PTPRC: variants seen among roughly 807,000 people sequenced by gnomAD.
The protein encoded by PTPRC is protein tyrosine phosphatase receptor type C.
PTPRC carries 44 observed loss-of-function variants against 155.9 expected under a neutral mutation model. The observed-to-expected ratio is 0.28, with a 90% confidence interval of 0.22 to 0.36. The LOEUF (loss-of-function observed/expected upper bound fraction) is 0.36, where lower values mean the gene tolerates loss of function less well. Ranked by LOEUF, PTPRC falls within the 10% of genes least tolerant of loss-of-function variation. The pLI is 1.00. For synonymous variants in PTPRC, 525 were observed against 533.1 expected (o/e 0.98, Z 0.21); for missense variants, 1,401 against 1,564.6 (o/e 0.90, Z 1.76).
chr1:198,724,465 AT>A (rs1046185341), intron 15 of PTPRC, among the ~76,000 whole-genome samples: 2 of 151,018 alleles, frequency 1.3e-5, no homozygotes, highest in East Asian at 3.9e-4. Context: ...ACACATAGTT[AT>A]TTTTTTTTCT....
intron 26 of PTPRC, 111 bp from the exon 27 acceptor site, chr1:198,747,998 G>A: frequency 6.8e-7 from 1 of 1,469,828 alleles, no homozygotes. Context: ...GGGAGCATAT[G>A]CAAATTTCAC....
chr1:198,725,214 A>AT (rs1167855000), intron 15 of PTPRC, among the ~76,000 whole-genome samples: 1 of 152,054 alleles, frequency 6.6e-6, no homozygotes, highest in African/African-American at 2.4e-5. Context: ...GGTTGAGTCT[A>AT]TTAGTCATAA....
chr1:198,681,962 C>A (rs1432274673), intron 2 of PTPRC, among the ~76,000 whole-genome samples: 3 of 152,180 alleles, frequency 2.0e-5, no homozygotes, highest in Non-Finnish European at 4.4e-5. Context: ...GGTGCTATGG[C>A]AACCTATTGC....
At chr1:198,719,147 CT>C (rs890115500) in intron 14 of PTPRC, among the ~76,000 whole-genome samples, 8 of 151,360 alleles carry the variant, frequency 5.3e-5, no homozygotes, top group African/African-American at 7.3e-5. Context: ...GGATATGTAA[CT>C]TTTTTTTTCT....
At chr1:198,726,442 CG>C (rs1203698043) in intron 15 of PTPRC, among the ~76,000 whole-genome samples, 1 of 151,914 alleles carries the variant, frequency 6.6e-6, no homozygotes, top group Non-Finnish European at 1.5e-5. Flanking sequence ...TTATATATGC[CG>C]GCAGTATAAA....
At position 198,639,044 on chromosome 1, in the gene PTPRC, T is replaced by A. The variant is rs1662422108; in HGVS notation, c.-137T>A. On this transcript the variant is annotated 5_prime_UTR_variant, in exon 1 of 33. Transcript: ENST00000442510. ...GAAGTTAGTAAAACCGAATCTGACA[T>A]CATCACCTAGCAGTTCATGCAGCTA... 1 of 528,106 alleles carries A rather than the reference T, an allele frequency of 1.9e-6. No homozygotes were observed. Among genetic ancestry groups the A allele is most frequent in the Non-Finnish European group, 3.4e-6 (1 of 295,896 alleles). 32.7% of individuals were successfully genotyped at this position (528,106 alleles called of 1,614,324 possible).
At chr1:198,643,615 C>T (rs1662767363) in intron 2 of PTPRC, among the ~76,000 whole-genome samples, 1 of 151,862 alleles carries the variant, frequency 6.6e-6, no homozygotes, top group Non-Finnish European at 1.5e-5. Context: ...GAAAGAGCCT[C>T]CTGACTTCCT....
intron 20 of PTPRC, among the ~76,000 whole-genome samples, chr1:198,733,819 G>A (rs1379644806): frequency 6.6e-6 from 1 of 151,734 alleles, no homozygotes; most frequent in Non-Finnish European, 1.5e-5. Context: ...GTAACTACAT[G>A]GCTGGTGAGC....
intron 18 of PTPRC, 134 bp from the exon 19 acceptor site, chr1:198,732,166 C>G (rs1654419283): frequency 1.3e-6 from 1 of 773,372 alleles, no homozygotes; most frequent in Non-Finnish European, 2.2e-6. Context: ...ATTTTGATTA[C>G]TCTAAGCAAA....
At chr1:198,664,146 T>C (rs1222949166) in intron 2 of PTPRC, among the ~76,000 whole-genome samples, 1 of 152,146 alleles carries the variant, frequency 6.6e-6, no homozygotes, top group Admixed American at 6.5e-5. Context: ...AGAAAATTGG[T>C]CTTTGAATAA....
In PTPRC at chr1:198,744,151, T is replaced by C; in HGVS notation, c.2795T>C (p.Met932Thr). Residue 932 changes from methionine to threonine, a missense_variant, in exon 26 of 33, where the codon ATG becomes ACG. By Grantham distance (81) the Met-to-Thr change is moderately conservative. Around this residue, in one of 3 missense-constraint regions of PTPRC, gnomAD observed 134 missense variants for 204.7 expected, o/e 0.65. Coordinates refer to ENST00000442510, the MANE Select transcript of PTPRC (RefSeq NM_002838.5). ...GAATTACATCCATATCTACATAACATGAAGAAAAGGGATCCACCCAGTGAG... is the reference window on the plus strand; with the variant it reads ...GAATTACATCCATATCTACATAACACGAAGAAAAGGGATCCACCCAGTGAG... ...LSELHPYLHN[M>T]KKRDPPSEPS... The C allele has an allele frequency of 6.2e-7, 1 of 1,606,792 alleles. No individual in the cohort carries two copies. The highest frequency in any genetic ancestry group is 8.5e-7 in the Non-Finnish European group (1 of 1,174,312).
In PTPRC at chr1:198,731,716, C is replaced by G. The variant is rs1654396216; in HGVS notation, c.1964C>G (p.Ala655Gly). 1.3e-6 allele frequency: 2 copies of G among 1,599,924 alleles called. No homozygotes were observed. Among genetic ancestry groups the G allele is most frequent in the South Asian group, 2.2e-5 (2 of 90,794 alleles). ...KIADEGRLFL[A>G]EFQSIPRVFS... The stretch of plus-strand genomic sequence containing the variant: ...GCTGATGAAGGAAGACTTTTTCTGG[C>G]TGAATTTCAGGTGTGTGTTGCTTTT... The change falls in exon 18 of 33, where the codon GCT becomes GGT. Residue 655 changes from alanine (A) to glycine (G), a missense_variant. Ala to Gly is a moderately conservative substitution (Grantham distance 60, BLOSUM62 0). Coordinates refer to ENST00000442510, the MANE Select transcript of PTPRC (RefSeq NM_002838.5).
intron 10 of PTPRC, among the ~76,000 whole-genome samples, chr1:198,709,272 G>C (rs748121316): frequency 2.6e-5 from 4 of 152,132 alleles, no homozygotes; most frequent in Non-Finnish European, 5.9e-5. Context: ...ACTGGTCATA[G>C]TCAAAATGCA....
In PTPRC at chr1:198,699,688, C is replaced by G. The variant is rs1558006460; in HGVS notation, c.423C>G (p.Gly141=). The part of the protein sequence containing the change: ...AANAKLNPTP[G]SNAISDVPGE... ...ATGCAAAACTCAACCCTACCCCAGG[C>G]AGCAATGCTATCTCAGGTTTGCGGG... The change falls in exon 5 of 33, where the codon GGC becomes GGG. Residue 141 remains glycine (G), a synonymous_variant. Coordinates refer to ENST00000442510, the MANE Select transcript of PTPRC (RefSeq NM_002838.5). The G allele has an allele frequency of 6.2e-7, 1 of 1,614,182 alleles. No individual in the cohort carries two copies. Among genetic ancestry groups the G allele is most frequent in the Non-Finnish European group, 8.5e-7 (1 of 1,180,044 alleles).
intron 23 of PTPRC, among the ~76,000 whole-genome samples, chr1:198,739,633 G>A (rs1654807717): frequency 6.6e-6 from 1 of 151,766 alleles, no homozygotes; most frequent in South Asian, 2.1e-4. Flanking sequence ...ATAATAGTTG[G>A]AGACTTCAAC....
Position 198,703,405 on chromosome 1 carries a change from T to A in PTPRC, c.658+33T>A, listed in dbSNP as rs779853312. On this transcript the variant is annotated intron_variant, in intron 7 of 32. Coordinates refer to ENST00000442510, the MANE Select transcript of PTPRC (RefSeq NM_002838.5). ...TACCCTCAGTCAGGCAGCCACACCA[T>A]CCCCATGTGCCTGGTGATGTGCTCT... 3.6e-5 allele frequency: 58 copies of A among 1,609,528 alleles called. No homozygotes were observed. In the East Asian group the frequency reaches 1.3e-3, roughly 36 times the overall value.
At chr1:198,667,060 TCTC>T (rs1225747007) in intron 2 of PTPRC, 1 of 152,210 alleles carries the variant, frequency 6.6e-6, no homozygotes, top group Non-Finnish European at 1.5e-5. Flanking sequence ...ATGCTCAGCA[TCTC>T]CTATCTCATT....
intron 26 of PTPRC, among the ~76,000 whole-genome samples, chr1:198,745,554 A>G (rs1655101905): frequency 6.6e-6 from 1 of 151,826 alleles, no homozygotes; most frequent in Non-Finnish European, 1.5e-5. Flanking sequence ...GTATAAAAAC[A>G]ATCTCCCTAG....
chr1:198,696,580 C>A, intron 3 of PTPRC, 132 bp from the exon 4 acceptor site: 1 of 772,768 alleles, frequency 1.3e-6, no homozygotes, highest in South Asian at 1.4e-5. Context: ...ATGGTGTGTG[C>A]ATATGTATGT....
Sources: gnomAD v4.1 joint callset for allele counts (sites outside exome capture counted in the v4.1 genomes callset) on GRCh38, gnomAD v4.1.1 for gene constraint, gnomAD v4.1.1 regional missense constraint, MANE v1.5 for transcripts, NCBI Gene and HGNC (gene_info 2026-07-23, HGNC 2026-07-21) for gene names.